Variants in SDK1 observed in about 807,000 individuals in gnomAD.
SDK1 encodes the protein protein sidekick-1.
SDK1 carries 157 observed loss-of-function variants against 245.5 expected under a neutral mutation model. That is an observed-to-expected ratio of 0.64 (90% confidence interval 0.56 to 0.73). The LOEUF is 0.73. Among genes scored for constraint, SDK1 ranks in the 30% least tolerant of loss-of-function variants. The pLI is 0.00. For missense variants in SDK1, 3,583 were observed against 3,002.3 expected, an observed-to-expected ratio of 1.19 and a Z score of -4.52; for synonymous variants, 1,647 against 1,278.5, an observed-to-expected ratio of 1.29 and a Z score of -6.15.
At chr7:3,491,966 C>A (rs1384069147) in intron 1 of SDK1, among the ~76,000 whole-genome samples, 1 of 152,146 alleles carries the variant, frequency 6.6e-6, no homozygotes, top group Non-Finnish European at 1.5e-5. Context: ...TATAAAACAT[C>A]ATTTAAAATC....
At chr7:3,829,737 C>G (rs1779868399) in intron 5 of SDK1, among the ~76,000 whole-genome samples, 1 of 152,106 alleles carries the variant, frequency 6.6e-6, no homozygotes, top group South Asian at 2.1e-4. Context: ...GTGTGCAGAC[C>G]TCAGAGGAGC....
At chr7:4,010,921 C>A (rs933303388) in intron 14 of SDK1, 45 bp from the exon 15 acceptor site, 1 of 1,600,794 alleles carries the variant, frequency 6.2e-7, no homozygotes, top group Non-Finnish European at 8.6e-7. Flanking sequence ...ATTATTCAGA[C>A]ATGATAAGCC....
chr7:4,034,184 G>A (rs1788048817), intron 17 of SDK1, among the ~76,000 whole-genome samples: 2 of 152,174 alleles, frequency 1.3e-5, no homozygotes, highest in Admixed American at 1.3e-4. Flanking sequence ...CAAGAAATTG[G>A]ACGGCAGCCT....
intron 1 of SDK1, among the ~76,000 whole-genome samples, chr7:3,353,679 CCT>C (rs1474504758): frequency 6.6e-6 from 1 of 152,176 alleles, no homozygotes; most frequent in Non-Finnish European, 1.5e-5. Flanking sequence ...TGATATTTCC[CCT>C]GTCATGAATA....
At chr7:3,487,184 G>C (rs909019711) in intron 1 of SDK1, among the ~76,000 whole-genome samples, 3 of 152,108 alleles carry the variant, frequency 2.0e-5, no homozygotes, top group African/African-American at 7.2e-5. Flanking sequence ...CCAGCTCCTG[G>C]TCAGCATAAG....
At chr7:3,607,827 C>T (rs773478998) in intron 1 of SDK1, among the ~76,000 whole-genome samples, 7 of 152,218 alleles carry the variant, frequency 4.6e-5, no homozygotes, top group Non-Finnish European at 1.0e-4. Context: ...TTGTGCTTTT[C>T]TAGCAGGTGC....
chr7:4,199,664 A>G (rs527832897), intron 35 of SDK1, among the ~76,000 whole-genome samples: 2 of 152,288 alleles, frequency 1.3e-5, no homozygotes, highest in Admixed American at 6.5e-5. Context: ...AGCAGAGCAG[A>G]CTAAGGCCAT....
intron 1 of SDK1, among the ~76,000 whole-genome samples, chr7:3,566,263 C>A (rs1298920869): frequency 1.5e-5 from 2 of 137,826 alleles, no homozygotes; most frequent in African/African-American, 5.4e-5. Context: ...CTCGCTCTGT[C>A]GCCCAGGCTG....
intron 1 of SDK1, among the ~76,000 whole-genome samples, chr7:3,373,258 C>CTTA (rs1373826712): frequency 6.6e-6 from 1 of 152,192 alleles, no homozygotes; most frequent in Non-Finnish European, 1.5e-5. Context: ...CGAATCCTGT[C>CTTA]TTATAATCAA....
At chr7:3,628,800 G>C (rs1013017371) in intron 2 of SDK1, among the ~76,000 whole-genome samples, 1 of 152,200 alleles carries the variant, frequency 6.6e-6, no homozygotes, top group African/African-American at 2.4e-5. Context: ...GGCAGTGAAA[G>C]ATTGTGATCG....
chr7:3,705,430 T>TATTTG (rs1784856420), intron 4 of SDK1, among the ~76,000 whole-genome samples: 1 of 34,890 alleles, frequency 2.9e-5, no homozygotes, highest in African/African-American at 6.2e-4. Flanking sequence ...CTAGTGATTT[T>TATTTG]ATTTTATTTT....
chr7:4,207,716 A>G (rs1784303725), intron 36 of SDK1, among the ~76,000 whole-genome samples: 1 of 151,972 alleles, frequency 6.6e-6, no homozygotes, highest in Non-Finnish European at 1.5e-5. Flanking sequence ...GGAGAGGGAG[A>G]GGCCAAAAAT....
intron 30 of SDK1, among the ~76,000 whole-genome samples, chr7:4,151,519 A>G (rs1780381200): frequency 6.6e-6 from 1 of 152,068 alleles, no homozygotes; most frequent in Non-Finnish European, 1.5e-5. Flanking sequence ...TGTTAGGAAA[A>G]CGAGGCTGCA....
chr7:4,114,042 G>A lies in SDK1; in HGVS notation c.3591G>A (p.Leu1197=), dbSNP rs745833003. 1.2e-6 allele frequency: 2 copies of A among 1,613,996 alleles called. No homozygotes were observed. The highest frequency in any genetic ancestry group is 2.7e-5 in the African/African-American group (2 of 75,058). Residue 1197 remains leucine, a synonymous_variant, in exon 25 of 45, where the codon CTG becomes CTA. Transcript: ENST00000404826. ...ETSLRLRWVP[L]PDSQYNGNPE... ...GACTCCTCGTTCCTTCCTAGCCCCT[G>A]CCGGATTCTCAGTACAACGGGAACC... is the stretch of plus-strand genomic sequence containing the variant.
intron 1 of SDK1, among the ~76,000 whole-genome samples, chr7:3,339,409 A>G (rs1780286830): frequency 6.6e-6 from 1 of 152,202 alleles, no homozygotes; most frequent in Admixed American, 6.5e-5. Context: ...CCAAATCAGC[A>G]AGAATATAGG....
At position 3,307,642 on chromosome 7, in the gene SDK1, A is replaced by C. The variant is rs560834121; in HGVS notation, c.298+5758A>C. Among the ~76,000 whole-genome samples, 3 of 152,316 alleles carry C rather than the reference A, an allele frequency of 2.0e-5. No homozygotes were observed. The East Asian group carries it at 5.8e-4, about 29-fold the overall frequency. ...AAACTCATTCCATCAGCCTGATACC[A>C]ATCTCCTGTGGGTATTGTGGGAATG... On this transcript the variant is annotated intron_variant, in intron 1 of 44. Transcript: ENST00000404826.
chr7:3,310,865 T>A (rs1434215991), intron 1 of SDK1, among the ~76,000 whole-genome samples: 1 of 152,214 alleles, frequency 6.6e-6, no homozygotes, highest in Non-Finnish European at 1.5e-5. Context: ...AATCTTGACT[T>A]TTCTTATCCC....
At chr7:3,699,605 G>C (rs1033693340) in intron 4 of SDK1, among the ~76,000 whole-genome samples, 4 of 152,082 alleles carry the variant, frequency 2.6e-5, no homozygotes, top group African/African-American at 7.2e-5. Flanking sequence ...AGAGAAAACA[G>C]ACTAAACAAA....
intron 1 of SDK1, among the ~76,000 whole-genome samples, chr7:3,496,748 T>C (rs1295393960): frequency 1.3e-5 from 2 of 152,234 alleles, no homozygotes; most frequent in Non-Finnish European, 2.9e-5. Flanking sequence ...TGTTACATTC[T>C]GAAAGCATAA....
Sources: gnomAD v4.1 joint callset for allele counts (sites outside exome capture counted in the v4.1 genomes callset) on GRCh38, gnomAD v4.1.1 for gene constraint, MANE v1.5 for transcripts, NCBI Gene and HGNC (gene_info 2026-07-23, HGNC 2026-07-21) for gene names.